TAMM41: variants seen among roughly 807,000 people sequenced by gnomAD.
TAMM41 encodes TAM41 mitochondrial translocator assembly and maintenance homolog.
In TAMM41, 36 loss-of-function variants were observed where a neutral mutation model predicts 44.1. The observed-to-expected ratio is 0.82, with a 90% confidence interval of 0.63 to 1.08. The LOEUF is 1.08. Ranked by LOEUF, TAMM41 falls within the 50% of genes least tolerant of loss-of-function variation. The pLI is 0.00. For synonymous variants in TAMM41, 164 were observed against 153.1 expected (o/e 1.07, Z -0.53); for missense variants, 417 against 404.3 (o/e 1.03, Z -0.27).
intron 5 of TAMM41, among the ~76,000 whole-genome samples, chr3:11,815,331 T>C (rs933408010): frequency 2.6e-5 from 4 of 151,818 alleles, no homozygotes; most frequent in African/African-American, 4.8e-5. Context: ...AAACAACCAG[T>C]TGAGAAAGGA....
intron 3 of TAMM41, among the ~76,000 whole-genome samples, chr3:11,831,056 G>T (rs1226071047): frequency 6.6e-6 from 1 of 152,116 alleles, no homozygotes; most frequent in African/African-American, 2.4e-5. Flanking sequence ...AAGCTCATAA[G>T]GCTGCTAGAA....
At chr3:11,774,446 T>C in the TAMM41 span, among the ~76,000 whole-genome samples, 3 of 152,152 alleles carry the variant, frequency 2.0e-5, no homozygotes, top group Non-Finnish European at 2.9e-5. Context: ...GTTACCTAGA[T>C]GGCCAGGCTA....
At chr3:11,752,505 C>A in the TAMM41 span, among the ~76,000 whole-genome samples, 1 of 152,084 alleles carries the variant, frequency 6.6e-6, no homozygotes, top group African/African-American at 2.4e-5. Flanking sequence ...TTTTACAATC[C>A]TAGCTACAGA....
At chr3:11,829,606 T>C in intron 4 of TAMM41, 108 bp downstream of exon 4, 1 of 1,319,064 alleles carries the variant, frequency 7.6e-7, no homozygotes, top group Non-Finnish European at 1.1e-6. Flanking sequence ...GTGACGTGAT[T>C]TACAACTAAG....
At position 11,809,603 on chromosome 3, in the gene TAMM41, A is replaced by C; in HGVS notation, c.788T>G (p.Met263Arg). The change falls in exon 6 of 8, where the codon ATG (methionine) becomes AGG (arginine). Residue 263 changes from methionine (M) to arginine (R), a missense_variant. Coordinates refer to ENST00000455809, the MANE Select transcript of TAMM41 (RefSeq NM_001284401.2). Reference sequence around the variant, plus strand: ...ATCTCTGTTTTTTCCAGGAGGGTCCATAATATGATTTATCTGTTGCTGTAA... The same window carrying C: ...ATCTCTGTTTTTTCCAGGAGGGTCCCTAATATGATTTATCTGTTGCTGTAA... Reference protein sequence around the residue: ...KTLQQQINHIMDPPGKNRDVE... With the variant: ...KTLQQQINHIRDPPGKNRDVE... 1 of 1,614,136 alleles carries C rather than the reference A, an allele frequency of 6.2e-7. No homozygotes were observed.
the TAMM41 span, among the ~76,000 whole-genome samples, chr3:11,728,617 G>C: frequency 6.6e-6 from 1 of 152,334 alleles, no homozygotes; most frequent in Non-Finnish European, 1.5e-5. Context: ...TGGGCCCATT[G>C]TGAGTAGCTG....
chr3:11,748,986 C>T, the TAMM41 span, among the ~76,000 whole-genome samples: 5 of 146,442 alleles, frequency 3.4e-5, no homozygotes, highest in African/African-American at 1.3e-4. Flanking sequence ...CATCTTGGCT[C>T]ACTGCAACCT....
At chr3:11,750,132 G>A in the TAMM41 span, among the ~76,000 whole-genome samples, 11 of 152,094 alleles carry the variant, frequency 7.2e-5, no homozygotes, top group Non-Finnish European at 1.0e-4. Context: ...TCCTGACCTC[G>A]TGATCCGCCC....
the TAMM41 span, among the ~76,000 whole-genome samples, chr3:11,748,773 A>G: frequency 1.3e-5 from 2 of 152,166 alleles, no homozygotes; most frequent in East Asian, 1.9e-4. Context: ...TGTAGGCGCT[A>G]TCAGAGGGGT....
chr3:11,830,159 A>G (rs2125031961), intron 3 of TAMM41, among the ~76,000 whole-genome samples: 1 of 152,326 alleles, frequency 6.6e-6, no homozygotes, highest in South Asian at 2.1e-4. Context: ...TCCTTTGGAA[A>G]CTTTAATATT....
the TAMM41 span, among the ~76,000 whole-genome samples, chr3:11,739,870 G>A: frequency 5.8e-3 from 884 of 152,026 alleles, 39 homozygotes; most frequent in Admixed American, 0.054. Context: ...TTCCAACAAC[G>A]CAGTCTCAGG....
At chr3:11,749,618 A>G in the TAMM41 span, among the ~76,000 whole-genome samples, 1 of 152,168 alleles carries the variant, frequency 6.6e-6, no homozygotes, top group East Asian at 1.9e-4. Context: ...AATCAATTCC[A>G]TACCATGAAG....
chr3:11,839,176 CAG>C (rs1474596161), intron 3 of TAMM41, 44 bp downstream of exon 3: 1 of 1,247,456 alleles, frequency 8.0e-7, no homozygotes, highest in East Asian at 2.3e-5. Flanking sequence ...AGGTTAGGCT[CAG>C]AGAGGAAAGG....
chr3:11,763,489 C>T, the TAMM41 span, among the ~76,000 whole-genome samples: 1 of 152,162 alleles, frequency 6.6e-6, no homozygotes, highest in Non-Finnish European at 1.5e-5. Context: ...ATAAATTAAG[C>T]TCATGCAGTG....
chr3:11,759,261 T>TCGC, the TAMM41 span, among the ~76,000 whole-genome samples: 4 of 152,074 alleles, frequency 2.6e-5, no homozygotes, highest in Admixed American at 2.6e-4. Flanking sequence ...GAGGGAGTGA[T>TCGC]CGCCATCTAA....
chr3:11,790,956 C>T (rs2077464338), intron 7 of TAMM41, among the ~76,000 whole-genome samples: 1 of 152,232 alleles, frequency 6.6e-6, no homozygotes, highest in Non-Finnish European at 1.5e-5. Flanking sequence ...CCAACCCCAC[C>T]TCACTGTCTC....
chr3:11,746,177 T>C, the TAMM41 span, among the ~76,000 whole-genome samples: 1 of 152,026 alleles, frequency 6.6e-6, no homozygotes, highest in Middle Eastern at 3.4e-3. Context: ...GGTGGGCACC[T>C]GTAGTCCCAG....
At chr3:11,742,891 C>G in the TAMM41 span, among the ~76,000 whole-genome samples, 2 of 152,074 alleles carry the variant, frequency 1.3e-5, no homozygotes, top group African/African-American at 2.4e-5. Context: ...CCACTGTGCT[C>G]AGCGACCCAG....
At chr3:11,759,567 A>G in the TAMM41 span, among the ~76,000 whole-genome samples, 1 of 105,482 alleles carries the variant, frequency 9.5e-6, no homozygotes, top group Non-Finnish European at 2.0e-5. Context: ...ATGGGAATGC[A>G]TACGGAAAGC....
Sources: gnomAD v4.1 joint callset for allele counts (sites outside exome capture counted in the v4.1 genomes callset) on GRCh38, gnomAD v4.1.1 for gene constraint, MANE v1.5 for transcripts, NCBI Gene and HGNC (gene_info 2026-07-23, HGNC 2026-07-21) for gene names.